RGL1: variants seen among roughly 807,000 people sequenced by gnomAD.
RGL1 encodes ral guanine nucleotide dissociation stimulator-like 1.
In RGL1, 24 loss-of-function variants were observed where a neutral mutation model predicts 95.2. The observed-to-expected ratio is 0.25, with a 90% CI of 0.18 to 0.35. The LOEUF (loss-of-function observed/expected upper bound fraction) is 0.35. Ranked by LOEUF, RGL1 falls within the 10% of genes least tolerant of loss-of-function variation. The pLI is 1.00. For missense variants in RGL1, 715 were observed against 936.3 expected (o/e 0.76, Z 3.08); for synonymous variants, 329 against 344.9 (o/e 0.95, Z 0.51).
At chr1:183,654,039 T>G (rs1055007239) in intron 1 of RGL1, among the ~76,000 whole-genome samples, 18 of 152,192 alleles carry the variant, frequency 1.2e-4, no homozygotes, top group African/African-American at 4.3e-4. Context: ...AACTATTGGC[T>G]GTAAGCAGAC....
chr1:183,691,912 A>G (rs1389339599), intron 1 of RGL1, among the ~76,000 whole-genome samples: 2 of 152,056 alleles, frequency 1.3e-5, no homozygotes, highest in East Asian at 3.9e-4. Context: ...AGACTATTCA[A>G]CTCTTAATGA....
chr1:183,690,426 G>A (rs532759933), intron 1 of RGL1, among the ~76,000 whole-genome samples: 8 of 152,204 alleles, frequency 5.3e-5, no homozygotes, highest in Admixed American at 5.2e-4. Flanking sequence ...CTTAAAGAAA[G>A]GGAAAAAGGA....
intron 1 of RGL1, chr1:183,647,771 G>A (rs990918562): frequency 8.1e-6 from 13 of 1,614,126 alleles, no homozygotes; most frequent in Non-Finnish European, 1.0e-5. Context: ...ACCTTCCAGT[G>A]GGAAGCCTTC....
At chr1:183,693,456 C>A (rs1021738229) in intron 1 of RGL1, among the ~76,000 whole-genome samples, 8 of 151,872 alleles carry the variant, frequency 5.3e-5, no homozygotes, top group African/African-American at 1.9e-4. Context: ...CAAAAATAGA[C>A]CTGTCTTCCT....
chr1:183,757,142 C>T (rs1288887702), intron 2 of RGL1, among the ~76,000 whole-genome samples: 1 of 151,746 alleles, frequency 6.6e-6, no homozygotes, highest in South Asian at 2.1e-4. Context: ...CTATGGCTAT[C>T]GAACAGAGAT....
At chr1:183,786,103 A>G (rs1023298312) in intron 2 of RGL1, among the ~76,000 whole-genome samples, 1 of 151,346 alleles carries the variant, frequency 6.6e-6, no homozygotes, top group Non-Finnish European at 1.5e-5. Flanking sequence ...ATGAAACAAA[A>G]TATGGAAAAT....
chr1:183,649,883 C>A (rs1650590794), intron 1 of RGL1, among the ~76,000 whole-genome samples: 1 of 152,214 alleles, frequency 6.6e-6, no homozygotes. Context: ...ATGATCATGG[C>A]TCACTGTGGC....
chr1:183,719,567 TA>T (rs1368744714), intron 1 of RGL1, among the ~76,000 whole-genome samples: 4 of 152,010 alleles, frequency 2.6e-5, no homozygotes, highest in African/African-American at 9.7e-5. Context: ...TAGGAAGAAG[TA>T]AATATTTGCA....
intron 2 of RGL1, among the ~76,000 whole-genome samples, chr1:183,815,584 G>A (rs1572448964): frequency 6.6e-6 from 1 of 152,158 alleles, no homozygotes; most frequent in South Asian, 2.1e-4. Flanking sequence ...AGGAGCCCTG[G>A]AATAGGGAGG....
chr1:183,811,808 A>G (rs2102429437), intron 2 of RGL1, among the ~76,000 whole-genome samples: 1 of 152,354 alleles, frequency 6.6e-6, no homozygotes, highest in South Asian at 2.1e-4. Context: ...ACTCCCAGCA[A>G]ATACATAATG....
At chr1:183,867,225 G>C (rs1665892822) in intron 4 of RGL1, among the ~76,000 whole-genome samples, 1 of 152,188 alleles carries the variant, frequency 6.6e-6, no homozygotes, top group Non-Finnish European at 1.5e-5. Context: ...GGGAACTAAG[G>C]GCAGATAGAG....
chr1:183,661,330 AAG>A (rs1178585113), intron 1 of RGL1, among the ~76,000 whole-genome samples: 2 of 152,212 alleles, frequency 1.3e-5, no homozygotes, highest in Non-Finnish European at 2.9e-5. Context: ...TAAAGAAGAA[AAG>A]AGAGAAGAAT....
At chr1:183,658,293 C>T (rs1458224507) in intron 1 of RGL1, among the ~76,000 whole-genome samples, 4 of 152,206 alleles carry the variant, frequency 2.6e-5, no homozygotes, top group South Asian at 2.1e-4. Context: ...TCAGGGAGTT[C>T]CCTTTCCTAG....
intron 2 of RGL1, among the ~76,000 whole-genome samples, chr1:183,831,863 C>G (rs1045970811): frequency 6.6e-6 from 1 of 152,140 alleles, no homozygotes; most frequent in Non-Finnish European, 1.5e-5. Context: ...TAAATAAATA[C>G]AACCTAATAT....
chr1:183,882,305 G>A (rs1307756756), intron 5 of RGL1, among the ~76,000 whole-genome samples: 1 of 152,210 alleles, frequency 6.6e-6, no homozygotes, highest in African/African-American at 2.4e-5. Context: ...ATGAATGAAT[G>A]GAAAGATCAA....
intron 2 of RGL1, among the ~76,000 whole-genome samples, chr1:183,829,226 A>T (rs1663087723): frequency 6.6e-6 from 1 of 152,022 alleles, no homozygotes; most frequent in African/African-American, 2.4e-5. Flanking sequence ...GCAGGAGGAT[A>T]GCTTGAGCCC....
chr1:183,858,697 A>AT (rs1441094187), intron 3 of RGL1, among the ~76,000 whole-genome samples: 1 of 151,906 alleles, frequency 6.6e-6, no homozygotes, highest in Non-Finnish European at 1.5e-5. Flanking sequence ...TTTTACATTT[A>AT]TTTTTTGTGA....
intron 1 of RGL1, among the ~76,000 whole-genome samples, chr1:183,711,355 A>G (rs937757966): frequency 3.9e-5 from 6 of 152,176 alleles, no homozygotes; most frequent in African/African-American, 1.4e-4. Flanking sequence ...ATGTAGTTCA[A>G]TGACATTCAG....
chr1:183,906,940 A>C, intron 13 of RGL1, 72 bp from the exon 14 acceptor site: 4 of 839,598 alleles, frequency 4.8e-6, no homozygotes, highest in African/African-American at 1.7e-5. Context: ...CAAAACCAGG[A>C]CATCATGTGA....
Sources: gnomAD v4.1 joint callset for allele counts (sites outside exome capture counted in the v4.1 genomes callset) on GRCh38, gnomAD v4.1.1 for gene constraint, MANE v1.5 for transcripts, NCBI Gene and HGNC (gene_info 2026-07-23, HGNC 2026-07-21) for gene names.